SLC44A5: variants seen among roughly 807,000 people sequenced by gnomAD.
SLC44A5 encodes the protein choline transporter-like protein 5.
In SLC44A5, 57 loss-of-function variants were observed where a neutral mutation model predicts 101.8. That is an observed-to-expected ratio of 0.56 (90% CI 0.45 to 0.70). The LOEUF is 0.70. Ranked by LOEUF, SLC44A5 falls within the 30% of genes least tolerant of loss-of-function variation. The probability of loss-of-function intolerance (pLI) is 0.00; values close to 1 mark genes in which losing one functional copy is unlikely to be tolerated. For missense variants in SLC44A5, 737 were observed against 853.1 expected, an observed-to-expected ratio of 0.86 and a Z score of 1.70; for synonymous variants, 281 against 290.9, an observed-to-expected ratio of 0.97 and a Z score of 0.35.
chr1:75,456,368 G>A (rs1012462148), intron 2 of SLC44A5, among the ~76,000 whole-genome samples: 1 of 152,114 alleles, frequency 6.6e-6, no homozygotes, highest in Non-Finnish European at 1.5e-5. Flanking sequence ...AGAAAAAAGG[G>A]AAGTAAGAGT....
the SLC44A5 span, among the ~76,000 whole-genome samples, chr1:75,616,793 G>A: frequency 1.3e-5 from 2 of 152,214 alleles, no homozygotes; most frequent in Non-Finnish European, 2.9e-5. Flanking sequence ...TGGCCCTGAA[G>A]TTCTTAATAG....
intron 3 of SLC44A5, among the ~76,000 whole-genome samples, chr1:75,392,729 A>G (rs533354213): frequency 7.9e-5 from 12 of 152,314 alleles, no homozygotes; most frequent in African/African-American, 2.6e-4. Context: ...AGGATTCACA[A>G]TAGCAAAGAT....
the SLC44A5 span, among the ~76,000 whole-genome samples, chr1:75,634,158 T>C: frequency 1.3e-5 from 2 of 152,176 alleles, no homozygotes; most frequent in African/African-American, 4.8e-5. Context: ...TCAATGTTCA[T>C]CAAGGATATT....
chr1:75,516,377 G>A (rs1183304989), intron 2 of SLC44A5, among the ~76,000 whole-genome samples: 2 of 152,028 alleles, frequency 1.3e-5, no homozygotes, highest in Non-Finnish European at 2.9e-5. Flanking sequence ...AGCCGGGCGT[G>A]GTGGTGGCGG....
chr1:75,311,747 A>C (rs1344787727), intron 4 of SLC44A5: 1 of 157,732 alleles, frequency 6.3e-6, no homozygotes, highest in Non-Finnish European at 1.4e-5. Context: ...AATCAATAAA[A>C]TGATGACAGA....
In SLC44A5 at chr1:75,351,868, A is replaced by AAGAGAGAG. The variant is rs1553165360; in HGVS notation, c.53-12246_53-12239dup. On this transcript the variant is annotated intron_variant, in intron 3 of 23. Transcript: ENST00000370859. Reference sequence around the variant, plus strand: ...TACCAAAAAAAAAAAAAAAAAAAAAAAGAGAGAGAGAGAGAAAGGAAAAGA... The same window carrying AAGAGAGAG: ...TACCAAAAAAAAAAAAAAAAAAAAAAAGAGAGAGAGAGAGAGAGAGAGAAAGGAAAAGA... 2.7e-4 allele frequency among the ~76,000 whole-genome samples: 16 copies of AAGAGAGAG among 58,528 alleles called. 1 individual carries two copies. Among genetic ancestry groups the AAGAGAGAG allele is most frequent in the South Asian group, 1.6e-3 (2 of 1,290 alleles). The allele number at this position is 58,528 out of a possible 152,430, so 38.4% of individuals were successfully genotyped here.
intron 2 of SLC44A5, among the ~76,000 whole-genome samples, chr1:75,537,746 T>C (rs534145841): frequency 1.3e-5 from 2 of 152,370 alleles, no homozygotes; most frequent in South Asian, 2.1e-4. Flanking sequence ...TTTGGCATGA[T>C]GTATATAAAG....
At chr1:75,208,968 T>C (rs911333842) in intron 23 of SLC44A5, among the ~76,000 whole-genome samples, 12 of 152,172 alleles carry the variant, frequency 7.9e-5, no homozygotes, top group African/African-American at 2.9e-4. Context: ...AATCTACACA[T>C]TCAGAATTTG....
upstream of SLC44A5, among the ~76,000 whole-genome samples, chr1:75,614,613 A>G (rs7355133): frequency 0.059 from 8,922 of 152,292 alleles, 292 homozygotes; most frequent in Middle Eastern, 0.1. Flanking sequence ...AAAGCACGCC[A>G]AAGCCTGAGC....
chr1:75,388,643 G>T (rs1328896346), intron 3 of SLC44A5, among the ~76,000 whole-genome samples: 3 of 152,098 alleles, frequency 2.0e-5, no homozygotes, highest in African/African-American at 7.2e-5. Context: ...GCCAGGCGTG[G>T]TGGCGGGCGC....
intron 2 of SLC44A5, among the ~76,000 whole-genome samples, chr1:75,450,831 G>A (rs1455533809): frequency 6.6e-6 from 1 of 152,124 alleles, no homozygotes; most frequent in Non-Finnish European, 1.5e-5. Flanking sequence ...GTACAGGAAG[G>A]CCCTCCCTCC....
intron 10 of SLC44A5, among the ~76,000 whole-genome samples, chr1:75,238,173 A>T (rs1557561825): frequency 1.4e-5 from 2 of 147,700 alleles, no homozygotes. Context: ...TTTTTTTTTT[A>T]AATCCCAGCT....
intron 1 of SLC44A5, among the ~76,000 whole-genome samples, chr1:75,555,334 T>C (rs1311083858): frequency 6.6e-6 from 1 of 152,158 alleles, no homozygotes; most frequent in Non-Finnish European, 1.5e-5. Context: ...GAAAATGTTC[T>C]ATATCTTAAT....
chr1:75,600,897 A>C (rs1005797019), intron 1 of SLC44A5, among the ~76,000 whole-genome samples: 2 of 152,184 alleles, frequency 1.3e-5, no homozygotes, highest in African/African-American at 4.8e-5. Flanking sequence ...ACCTAATGAC[A>C]CATTTATTAG....
At chr1:75,535,778 T>C (rs1393980328) in intron 2 of SLC44A5, among the ~76,000 whole-genome samples, 1 of 152,148 alleles carries the variant, frequency 6.6e-6, no homozygotes, top group Non-Finnish European at 1.5e-5. Context: ...CTGAATGAGT[T>C]TTTCAGGCAA....
At chr1:75,213,885 T>TG in intron 21 of SLC44A5, 34 bp downstream of exon 21, 2 of 1,279,134 alleles carry the variant, frequency 1.6e-6, no homozygotes, top group Non-Finnish European at 2.1e-6. Flanking sequence ...TCTTTTAAAC[T>TG]TTTTTTTTTA....
chr1:75,405,855 T>G (rs1662816538), intron 2 of SLC44A5, among the ~76,000 whole-genome samples: 1 of 134,112 alleles, frequency 7.5e-6, no homozygotes, highest in African/African-American at 2.8e-5. Context: ...ATAACTAAGA[T>G]CAGAGCAGAA....
intron 1 of SLC44A5, among the ~76,000 whole-genome samples, chr1:75,608,869 T>A (rs938093649): frequency 6.6e-6 from 1 of 151,890 alleles, no homozygotes; most frequent in African/African-American, 2.4e-5. Context: ...TGATTAGCAA[T>A]CCAAATCCCC....
intron 2 of SLC44A5, among the ~76,000 whole-genome samples, chr1:75,472,449 T>G (rs567704356): frequency 6.6e-6 from 1 of 152,188 alleles, no homozygotes; most frequent in African/African-American, 2.4e-5. Context: ...TCTCCTACTA[T>G]CATTCTTACA....
Sources: gnomAD v4.1 joint callset for allele counts (sites outside exome capture counted in the v4.1 genomes callset) on GRCh38, gnomAD v4.1.1 for gene constraint, MANE v1.5 for transcripts, NCBI Gene and HGNC (gene_info 2026-07-23, HGNC 2026-07-21) for gene names.